The following TRPC4 variants were observed in gnomAD, a reference collection of about 807,000 sequenced individuals.
TRPC4 encodes the protein transient receptor potential cation channel subfamily C member 4.
TRPC4 carries 49 observed loss-of-function variants against 99.4 expected under a neutral mutation model. The observed-to-expected ratio is 0.49, with a 90% CI of 0.39 to 0.63. TRPC4 has a LOEUF of 0.63. Among genes scored for constraint, TRPC4 ranks in the 20% least tolerant of loss-of-function variants. TRPC4 has a pLI of 0.00. For missense variants in TRPC4, 898 were observed against 1,152.9 expected, an observed-to-expected ratio of 0.78 and a Z score of 3.20; for synonymous variants, 454 against 425.9, an observed-to-expected ratio of 1.07 and a Z score of -0.81.
At chr13:37,674,875 C>A (rs1433954159) in intron 4 of TRPC4, among the ~76,000 whole-genome samples, 1 of 151,992 alleles carries the variant, frequency 6.6e-6, no homozygotes, top group Non-Finnish European at 1.5e-5. Flanking sequence ...TTATAGCATT[C>A]ATGATAATTC....
chr13:37,865,826 T>C (rs1221768924), intron 1 of TRPC4, among the ~76,000 whole-genome samples: 2 of 151,816 alleles, frequency 1.3e-5, no homozygotes, highest in African/African-American at 4.8e-5. Flanking sequence ...AGCAATTTTG[T>C]GATTTTCATA....
In TRPC4 at chr13:37,754,883, A is replaced by T. The variant is rs59131290; in HGVS notation, c.379-8428T>A. Among the ~76,000 whole-genome samples the T allele has an allele frequency of 9.2e-3, 1,394 of 152,280 alleles. 13 individuals carry two copies. Among genetic ancestry groups the T allele is most frequent in the African/African-American group, 0.032 (1,334 of 41,568 alleles). ...TAACTGATTGCTATTCTTAAAATGT[A>T]TCTACATATTTCACCTTGAAGTGAC... On this transcript the variant is annotated intron_variant, in intron 2 of 10. Coordinates refer to ENST00000379705, the MANE Select transcript of TRPC4 (RefSeq NM_016179.4).
At position 37,692,100 on chromosome 13, in the gene TRPC4, A is replaced by G; in HGVS notation, c.1133T>C (p.Phe378Ser). ...GTGCTGAGAGGCAAGCAGCAGCAGGAACAAAAAAGTCAAATAGGAGGCTGT... is the reference window on the plus strand; with the variant it reads ...GTGCTGAGAGGCAAGCAGCAGCAGGGACAAAAAAGTCAAATAGGAGGCTGT... ...CHTASYLTFL[F>S]LLLLASQHID... Residue 378 changes from phenylalanine to serine, a missense_variant, in exon 4 of 11, where the codon TTC (phenylalanine) becomes TCC (serine). Transcript: ENST00000379705. 6.2e-7 allele frequency: 1 copy of G among 1,614,172 alleles called. No homozygotes were observed.
chr13:37,650,828 AG>A (rs1952022313), intron 8 of TRPC4, among the ~76,000 whole-genome samples: 1 of 152,156 alleles, frequency 6.6e-6, no homozygotes, highest in African/African-American at 2.4e-5. Context: ...GGACTTTGTT[AG>A]GCATGAAGAA....
At chr13:37,768,810 A>G (rs1341597118) in intron 2 of TRPC4, among the ~76,000 whole-genome samples, 2 of 151,372 alleles carry the variant, frequency 1.3e-5, no homozygotes, top group East Asian at 3.9e-4. Flanking sequence ...CCTAGGAAGA[A>G]GCAAAGACTC....
rs114066170 is a variant in TRPC4 at position 37,683,958 on chromosome 13, C to T, written c.1234+8041G>A. Among the ~76,000 whole-genome samples, 1,496 of 152,032 alleles carry T rather than the reference C, an allele frequency of 9.8e-3. 37 individuals carry two copies. The highest frequency in any genetic ancestry group is 0.035 in the African/African-American group (1,431 of 41,458). ...TATGATAACCGATAGTGATATCATTCGGGAACAAGGAAAGGATATTTGATA... is the reference window on the plus strand; with the variant it reads ...TATGATAACCGATAGTGATATCATTTGGGAACAAGGAAAGGATATTTGATA... On this transcript the variant is annotated intron_variant, in intron 4 of 10. Transcript: ENST00000379705.
At chr13:37,840,440 C>A (rs1958700104) in intron 1 of TRPC4, among the ~76,000 whole-genome samples, 1 of 151,980 alleles carries the variant, frequency 6.6e-6, no homozygotes, top group Non-Finnish European at 1.5e-5. Flanking sequence ...ATTCCTTAGA[C>A]CCTTTTATAT....
rs1458184802 is a variant in TRPC4 at position 37,826,729 on chromosome 13, C to T, written c.-28+42866G>A. On this transcript the variant is annotated intron_variant, in intron 1 of 10. Coordinates refer to ENST00000379705, the MANE Select transcript of TRPC4 (RefSeq NM_016179.4). ...ACATTTTTTCCTTCATTCAACTTTA[C>T]TGAATCTGACAATTATGTGTCTTGG... Among the ~76,000 whole-genome samples, 6 of 152,182 alleles carry T rather than the reference C, an allele frequency of 3.9e-5. No homozygotes were observed. The East Asian group carries it at 5.8e-4, about 15-fold the overall frequency.
intron 4 of TRPC4, among the ~76,000 whole-genome samples, chr13:37,677,629 C>T (rs893908932): frequency 6.6e-6 from 1 of 152,044 alleles, no homozygotes; most frequent in Non-Finnish European, 1.5e-5. Context: ...TGTGTGCTTG[C>T]AGTTAACAAA....
intron 5 of TRPC4, among the ~76,000 whole-genome samples, chr13:37,664,155 G>A (rs903387589): frequency 2.0e-5 from 3 of 152,120 alleles, no homozygotes; most frequent in Non-Finnish European, 4.4e-5. Flanking sequence ...ACTTTGACCA[G>A]CAATTATTTA....
chr13:37,754,670 C>T (rs1385413211), intron 2 of TRPC4, among the ~76,000 whole-genome samples: 1 of 151,946 alleles, frequency 6.6e-6, no homozygotes, highest in Non-Finnish European at 1.5e-5. Flanking sequence ...CAAATAAATC[C>T]CCCTGTTTTT....
intron 8 of TRPC4, among the ~76,000 whole-genome samples, chr13:37,643,492 T>C (rs1288313421): frequency 8.5e-5 from 13 of 152,142 alleles, no homozygotes; most frequent in African/African-American, 2.9e-4. Context: ...TTATAGAGAA[T>C]GCAGTATTAG....
At position 37,760,769 on chromosome 13, in the gene TRPC4, C is replaced by T. The variant is rs146616746; in HGVS notation, c.379-14314G>A. On this transcript the variant is annotated intron_variant, in intron 2 of 10. Coordinates refer to ENST00000379705, the MANE Select transcript of TRPC4 (RefSeq NM_016179.4). ...GAGTGTTAGTGTATTTTATATGTGG[C>T]CCAAGACATTCTTCTTCCAATGTGG... Among the ~76,000 whole-genome samples, 10 of 151,992 alleles carry T rather than the reference C, an allele frequency of 6.6e-5. No homozygotes were observed. In the South Asian group the frequency reaches 1.0e-3, roughly 16 times the overall value.
chr13:37,699,149 G>T (rs1424340853), intron 3 of TRPC4, among the ~76,000 whole-genome samples: 1 of 152,022 alleles, frequency 6.6e-6, no homozygotes, highest in Non-Finnish European at 1.5e-5. Flanking sequence ...GTAAAATGGG[G>T]ATAGTAGAAA....
chr13:37,803,782 G>A (rs1299955931), intron 1 of TRPC4, among the ~76,000 whole-genome samples: 4 of 152,014 alleles, frequency 2.6e-5, no homozygotes, highest in African/African-American at 9.7e-5. Context: ...GCCATGAAAA[G>A]ATGTGAAGGA....
At chr13:37,764,452 A>C (rs1417142393) in intron 2 of TRPC4, among the ~76,000 whole-genome samples, 3 of 150,480 alleles carry the variant, frequency 2.0e-5, no homozygotes, top group Non-Finnish European at 4.4e-5. Flanking sequence ...TGACTCATAA[A>C]CTTTCATATT....
At chr13:37,745,508 G>T (rs529637387) in intron 3 of TRPC4, among the ~76,000 whole-genome samples, 1 of 111,434 alleles carries the variant, frequency 9.0e-6, no homozygotes, top group Non-Finnish European at 1.7e-5. Context: ...ACGTATATAT[G>T]TATATATATA....
intron 2 of TRPC4, among the ~76,000 whole-genome samples, chr13:37,767,462 C>A (rs1593696029): frequency 6.6e-6 from 1 of 151,078 alleles, no homozygotes; most frequent in African/African-American, 2.4e-5. Context: ...GCAATCTCTG[C>A]AAAGAAGACT....
chr13:37,799,572 C>T (rs1957347139), intron 1 of TRPC4, among the ~76,000 whole-genome samples: 1 of 152,162 alleles, frequency 6.6e-6, no homozygotes, highest in South Asian at 2.1e-4. Flanking sequence ...ATAACACTGA[C>T]TATCTCAGAA....
Sources: gnomAD v4.1 joint callset for allele counts (sites outside exome capture counted in the v4.1 genomes callset) on GRCh38, gnomAD v4.1.1 for gene constraint, MANE v1.5 for transcripts, NCBI Gene and HGNC (gene_info 2026-07-23, HGNC 2026-07-21) for gene names.